The following KIF26B variants were observed in gnomAD, a reference collection of about 807,000 sequenced individuals.
KIF26B encodes kinesin-like protein KIF26B.
Under a neutral mutation model 151.2 loss-of-function variants are expected in KIF26B, and 63 were observed. The observed-to-expected ratio is 0.42, with a 90% CI of 0.34 to 0.51. The LOEUF is 0.51. Among genes scored for constraint, KIF26B ranks in the 20% least tolerant of loss-of-function variants. KIF26B has a pLI of 0.07. For missense variants in KIF26B, 2,813 were observed against 2,913.6 expected (o/e 0.97, Z 0.79); for synonymous variants, 1,357 against 1,262.1 (o/e 1.08, Z -1.59).
At chr1:245,252,497 G>C (rs1196327902) in intron 2 of KIF26B, among the ~76,000 whole-genome samples, 1 of 151,988 alleles carries the variant, frequency 6.6e-6, no homozygotes, top group African/African-American at 2.4e-5. Flanking sequence ...TTTTCTAATT[G>C]ATTGATTGCT....
intron 4 of KIF26B, among the ~76,000 whole-genome samples, chr1:245,433,495 G>GAAGAAGAAA (rs1293949192): frequency 1.3e-5 from 2 of 151,126 alleles, no homozygotes; most frequent in East Asian, 3.9e-4. Context: ...AGAAGAAGAA[G>GAAGAAGAAA]AAGAAGTAAG....
chr1:245,314,947 G>A (rs749611683), intron 2 of KIF26B, among the ~76,000 whole-genome samples: 4 of 151,774 alleles, frequency 2.6e-5, no homozygotes, highest in South Asian at 4.2e-4. Context: ...TTGGGAGGCC[G>A]AGGCGGGTGG....
Position 245,698,986 on chromosome 1 carries a change from G to A in KIF26B, c.6127G>A (p.Glu2043Lys). The A allele has an allele frequency of 6.2e-7, 1 of 1,614,044 alleles. No individual in the cohort carries two copies. Among genetic ancestry groups the A allele is most frequent in the East Asian group, 2.2e-5 (1 of 44,882 alleles). ...GTACGAGTGGCTGATGAAGGAGCTG[G>A]AGGCGACCAAACAGTATCTGATGCT... The part of the protein sequence containing the change: ...AKYEWLMKEL[E>K]ATKQYLMLDP... Residue 2043 changes from glutamate to lysine, a missense_variant, in exon 14 of 15, where the codon GAG (glutamate) becomes AAG (lysine). By Grantham distance (56) the Glu-to-Lys change is moderately conservative (BLOSUM62 1). Around this residue, in one of 3 missense-constraint regions of KIF26B, gnomAD observed 2,060 missense variants for 2,088.6 expected, o/e 0.99. Coordinates refer to ENST00000407071, the MANE Select transcript of KIF26B (RefSeq NM_018012.4). This position sits in a 1 kb window ranked among gnomAD's most constrained non-coding sequence, Gnocchi z 4.0.
intron 4 of KIF26B, among the ~76,000 whole-genome samples, chr1:245,425,274 T>C (rs553675534): frequency 1.3e-3 from 204 of 152,344 alleles, no homozygotes; most frequent in Admixed American, 2.3e-3. Context: ...AACCTTCATG[T>C]ATATTTGAAG....
At position 245,606,188 on chromosome 1, in the gene KIF26B, GC is replaced by G. The variant is rs1416930013; in HGVS notation, c.1558-1457del. ...TGCCACCCCCTCTGGCCCAGGAGGAGCCCCCCGCCCCCCGCAGAGTTGCTGG... is the reference window on the plus strand; with the variant it reads ...TGCCACCCCCTCTGGCCCAGGAGGAGCCCCCGCCCCCCGCAGAGTTGCTGG... On this transcript the variant is annotated intron_variant, in intron 6 of 14. Coordinates refer to ENST00000407071, the MANE Select transcript of KIF26B (RefSeq NM_018012.4). This position sits in a 1 kb window ranked among gnomAD's most constrained non-coding sequence, Gnocchi z 4.6. Among the ~76,000 whole-genome samples the G allele has an allele frequency of 2.0e-5, 3 of 152,104 alleles. No individual in the cohort carries two copies. The highest frequency in any genetic ancestry group is 4.4e-5 in the Non-Finnish European group (3 of 68,020).
At chr1:245,596,344 T>C (rs1232638739) in intron 5 of KIF26B, among the ~76,000 whole-genome samples, 1 of 152,220 alleles carries the variant, frequency 6.6e-6, no homozygotes, top group Non-Finnish European at 1.5e-5. Context: ...GTCCCAGAGA[T>C]TCTGGTATGT....
At chr1:245,261,287 A>G (rs1406177217) in intron 2 of KIF26B, among the ~76,000 whole-genome samples, 1 of 151,876 alleles carries the variant, frequency 6.6e-6, no homozygotes, top group Non-Finnish European at 1.5e-5. Context: ...CTGGGATTAC[A>G]GGCCTGGCTA....
chr1:245,583,690 C>T (rs539506003), intron 5 of KIF26B, among the ~76,000 whole-genome samples: 36 of 152,278 alleles, frequency 2.4e-4, no homozygotes, highest in African/African-American at 8.7e-4. Context: ...CCGTGGTACA[C>T]GAATGGGCTT....
intron 4 of KIF26B, among the ~76,000 whole-genome samples, chr1:245,466,883 G>A (rs142863948): frequency 0.02 from 3,048 of 152,228 alleles, 43 homozygotes; most frequent in Non-Finnish European, 0.032. Context: ...CTGAGATGGC[G>A]CCACCGCACT....
chr1:245,344,576 G>A (rs1672407684), intron 2 of KIF26B, among the ~76,000 whole-genome samples: 1 of 151,682 alleles, frequency 6.6e-6, no homozygotes, highest in Non-Finnish European at 1.5e-5. Flanking sequence ...CTGGAAAAGG[G>A]CAATCACTCT....
chr1:245,527,304 C>T (rs746789199), intron 4 of KIF26B, among the ~76,000 whole-genome samples: 2 of 151,962 alleles, frequency 1.3e-5, no homozygotes, highest in Non-Finnish European at 2.9e-5. Context: ...GCTTCTCAGC[C>T]GAAAAATCAG....
At chr1:245,465,006 T>G in intron 4 of KIF26B, among the ~76,000 whole-genome samples, 2 of 133,904 alleles carry the variant, frequency 1.5e-5, no homozygotes, top group African/African-American at 2.9e-5. Flanking sequence ...TGAGACTGAG[T>G]CTCACTCTGT....
At chr1:245,582,460 CTTTTT>C (rs200219775) in intron 5 of KIF26B, among the ~76,000 whole-genome samples, 3 of 147,872 alleles carry the variant, frequency 2.0e-5, no homozygotes, top group African/African-American at 7.4e-5. Context: ...ATAGCCTGTG[CTTTTT>C]TTTTTAAGTG....
chr1:245,162,546 C>T (rs995134312), intron 2 of KIF26B, among the ~76,000 whole-genome samples: 3 of 151,984 alleles, frequency 2.0e-5, no homozygotes, highest in African/African-American at 7.3e-5. Context: ...CCACCACGCC[C>T]AGCTAATTTT....
At chr1:245,357,795 G>A (rs1016537374) in intron 2 of KIF26B, among the ~76,000 whole-genome samples, 10 of 152,176 alleles carry the variant, frequency 6.6e-5, no homozygotes, top group African/African-American at 1.4e-4. Flanking sequence ...AGTGAGGGAC[G>A]TGTGACAAGG....
intron 2 of KIF26B, among the ~76,000 whole-genome samples, chr1:245,203,292 T>C (rs889007629): frequency 6.6e-6 from 1 of 151,034 alleles, no homozygotes; most frequent in African/African-American, 2.4e-5. Context: ...GAAGCTGATT[T>C]TGGCATCCAT....
At chr1:245,519,379 C>T (rs760027608) in intron 4 of KIF26B, among the ~76,000 whole-genome samples, 3 of 151,952 alleles carry the variant, frequency 2.0e-5, no homozygotes, top group Admixed American at 2.0e-4. Context: ...CATGGTGAAA[C>T]CCCATCTCTA....
intron 3 of KIF26B, among the ~76,000 whole-genome samples, chr1:245,393,638 C>T (rs191947248): frequency 2.4e-4 from 37 of 152,206 alleles, no homozygotes; most frequent in African/African-American, 7.7e-4. Context: ...CATTTTCTTC[C>T]GTTTCTTTAG....
intron 4 of KIF26B, among the ~76,000 whole-genome samples, chr1:245,480,554 T>C (rs1660143461): frequency 1.3e-5 from 2 of 151,702 alleles, no homozygotes; most frequent in African/African-American, 2.4e-5. Context: ...TGGTACCGTA[T>C]AACCAGTACA....
Sources: gnomAD v4.1 joint callset for allele counts (sites outside exome capture counted in the v4.1 genomes callset) on GRCh38, gnomAD v4.1.1 for gene constraint, gnomAD v4.1.1 regional missense constraint, Gnocchi (gnomAD v3.1) non-coding constraint, MANE v1.5 for transcripts, NCBI Gene and HGNC (gene_info 2026-07-23, HGNC 2026-07-21) for gene names.